The following RBFOX1 variants were observed in gnomAD, a reference collection of about 807,000 sequenced individuals.
RBFOX1 encodes the protein RNA binding fox-1 homolog 1, also known as RNA binding protein fox-1 homolog 1.
RBFOX1 carries 8 observed loss-of-function variants against 57.7 expected under a neutral mutation model. The ratio of observed to expected loss-of-function variants is 0.14; its 90% CI spans 0.08 to 0.25. The LOEUF (loss-of-function observed/expected upper bound fraction) is 0.25, where lower values mean the gene tolerates loss of function less well. RBFOX1 is among the 10% of genes least tolerant of loss of function. The pLI is 1.00. For missense variants in RBFOX1, 611 were observed against 548.5 expected (o/e 1.11, Z -1.14); for synonymous variants, 326 against 222.4 (o/e 1.47, Z -4.15).
chr16:5,705,847 A>G (rs2051226482), intron 3 of RBFOX1, among the ~76,000 whole-genome samples: 1 of 152,216 alleles, frequency 6.6e-6, no homozygotes, highest in Admixed American at 6.5e-5. Flanking sequence ...AGAACAGTTC[A>G]GTGGAAACAA....
intron 3 of RBFOX1, among the ~76,000 whole-genome samples, chr16:6,925,839 A>T (rs2075475697): frequency 6.6e-6 from 1 of 152,088 alleles, no homozygotes; most frequent in South Asian, 2.1e-4. Context: ...AGTTCCTTGC[A>T]AGGTTATGTG....
At chr16:6,445,930 A>C (rs1034716239) in intron 2 of RBFOX1, among the ~76,000 whole-genome samples, 1 of 151,498 alleles carries the variant, frequency 6.6e-6, no homozygotes, top group Non-Finnish European at 1.5e-5. Context: ...CATCCCTGTT[A>C]ACTATACACA....
At chr16:7,586,943 G>A (rs1567968495) in intron 6 of RBFOX1, among the ~76,000 whole-genome samples, 1 of 152,188 alleles carries the variant, frequency 6.6e-6, no homozygotes. Flanking sequence ...GTACATACTA[G>A]CCACTTTTAA....
At chr16:7,171,381 T>G (rs1337529374) in intron 4 of RBFOX1, among the ~76,000 whole-genome samples, 1 of 152,220 alleles carries the variant, frequency 6.6e-6, no homozygotes, top group Non-Finnish European at 1.5e-5. Context: ...AGTATTTTCT[T>G]GATGAATTCC....
rs145098200 is a variant in RBFOX1, at chr16:7,707,546, C to G, written c.996-1510C>G. Among the ~76,000 whole-genome samples, 68 of 152,232 alleles carry G rather than the reference C, an allele frequency of 4.5e-4. 1 individual carries two copies. Among genetic ancestry groups the G allele is most frequent in the African/African-American group, 1.4e-3 (58 of 41,540 alleles). Reference sequence around the variant, plus strand: ...TGGTCAAAGAATCAAAAAACGATGTCGATCCCAGTGAGTGTCTGATGCATT... The same window carrying G: ...TGGTCAAAGAATCAAAAAACGATGTGGATCCCAGTGAGTGTCTGATGCATT... On this transcript the variant is annotated intron_variant, in intron 14 of 15. Coordinates refer to ENST00000550418, the MANE Select transcript of RBFOX1 (RefSeq NM_018723.4).
At chr16:6,031,299 A>C (rs1487515740) in intron 1 of RBFOX1, among the ~76,000 whole-genome samples, 1 of 152,086 alleles carries the variant, frequency 6.6e-6, no homozygotes, top group African/African-American at 2.4e-5. Flanking sequence ...TGAGAACAGC[A>C]AGGTGGCCAG....
At chr16:6,967,547 C>T (rs1327188398) in intron 3 of RBFOX1, among the ~76,000 whole-genome samples, 7 of 152,168 alleles carry the variant, frequency 4.6e-5, no homozygotes, top group East Asian at 1.9e-4. Context: ...GACTGACTTG[C>T]TTATGTGTTT....
At chr16:6,467,695 G>A (rs1002042430) in intron 2 of RBFOX1, among the ~76,000 whole-genome samples, 1 of 152,218 alleles carries the variant, frequency 6.6e-6, no homozygotes, top group African/African-American at 2.4e-5. Flanking sequence ...CAGTCATCCT[G>A]TGTGATATGC....
At chr16:7,065,889 G>T (rs939096381) in intron 4 of RBFOX1, among the ~76,000 whole-genome samples, 2 of 152,124 alleles carry the variant, frequency 1.3e-5, no homozygotes, top group African/African-American at 4.8e-5. Context: ...ATGGAAGTGA[G>T]TTCATGGGGT....
At chr16:7,126,655 C>G (rs907094264) in intron 4 of RBFOX1, 1 of 153,248 alleles carries the variant, frequency 6.5e-6, no homozygotes, top group African/African-American at 2.4e-5. Context: ...AGGCAAGGAC[C>G]GGAGATCCTA....
intron 4 of RBFOX1, among the ~76,000 whole-genome samples, chr16:7,471,221 T>G (rs2061499956): frequency 6.6e-6 from 1 of 152,226 alleles, no homozygotes; most frequent in Non-Finnish European, 1.5e-5. Context: ...GTTCATTGCA[T>G]AAAGTTAACA....
At chr16:6,306,274 G>A (rs566372207) in intron 1 of RBFOX1, among the ~76,000 whole-genome samples, 1 of 152,144 alleles carries the variant, frequency 6.6e-6, no homozygotes, top group Non-Finnish European at 1.5e-5. Context: ...TGCTAGGGAG[G>A]CAGTATTTGA....
rs1336439619 is a variant in RBFOX1, at chr16:7,435,026, A to G, written c.28-83121A>G. Among the ~76,000 whole-genome samples, 6 of 152,094 alleles carry G rather than the reference A, an allele frequency of 3.9e-5. 1 individual carries two copies. Among genetic ancestry groups the G allele is most frequent in the Admixed American group, 1.3e-4 (2 of 15,270 alleles). ...AAGTGCTGTCTTGTTCACATTTTGCATTTATCATATTTTACATATGGTACG... is the reference window on the plus strand; with the variant it reads ...AAGTGCTGTCTTGTTCACATTTTGCGTTTATCATATTTTACATATGGTACG... On this transcript the variant is annotated intron_variant, in intron 4 of 15. Coordinates refer to ENST00000550418, the MANE Select transcript of RBFOX1 (RefSeq NM_018723.4).
intron 3 of RBFOX1, among the ~76,000 whole-genome samples, chr16:6,732,417 C>T (rs1029206420): frequency 2.0e-5 from 3 of 152,362 alleles, no homozygotes; most frequent in African/African-American, 7.2e-5. Flanking sequence ...CTGGCCCAAG[C>T]ACCTGCACTG....
chr16:6,018,035 G>C (rs931375969), upstream of RBFOX1, among the ~76,000 whole-genome samples: 2 of 152,310 alleles, frequency 1.3e-5, no homozygotes, highest in African/African-American at 4.8e-5. Flanking sequence ...AAATGAGGTA[G>C]ACTGCCTGGG....
chr16:5,635,944 C>G (rs1397670858), intron 3 of RBFOX1, among the ~76,000 whole-genome samples: 1 of 152,176 alleles, frequency 6.6e-6, no homozygotes, highest in Admixed American at 6.5e-5. Flanking sequence ...TGCAGTGGCC[C>G]ATGCCTGTAA....
chr16:6,807,151 T>C lies in RBFOX1; in HGVS notation c.-16+152501T>C, dbSNP rs77604200. 7.2e-3 allele frequency among the ~76,000 whole-genome samples: 1,094 copies of C among 151,920 alleles called. 14 individuals are homozygous for C. Among genetic ancestry groups the C allele is most frequent in the African/African-American group, 0.025 (1,041 of 41,462 alleles). Reference sequence around the variant, plus strand: ...GCCCAGCCTCTTTTTTTCCTTTTAATAAAACACTGGTTACAATGTGAGAAA... The same window carrying C: ...GCCCAGCCTCTTTTTTTCCTTTTAACAAAACACTGGTTACAATGTGAGAAA... On this transcript the variant is annotated intron_variant, in intron 3 of 15. Coordinates refer to ENST00000550418, the MANE Select transcript of RBFOX1 (RefSeq NM_018723.4).
At chr16:5,534,358 G>C in intron 2 of RBFOX1, among the ~76,000 whole-genome samples, 1 of 152,188 alleles carries the variant, frequency 6.6e-6, no homozygotes, top group Non-Finnish European at 1.5e-5. Context: ...TCCCCCAATA[G>C]CTGTCTTCAA....
chr16:5,353,596 C>A (rs948172147), intron 1 of RBFOX1, among the ~76,000 whole-genome samples: 1 of 151,978 alleles, frequency 6.6e-6, no homozygotes, highest in African/African-American at 2.4e-5. Flanking sequence ...CATAAGTCCT[C>A]CTTGGTGCAT....
Sources: gnomAD v4.1 joint callset for allele counts (sites outside exome capture counted in the v4.1 genomes callset) on GRCh38, gnomAD v4.1.1 for gene constraint, MANE v1.5 for transcripts, NCBI Gene and HGNC (gene_info 2026-07-23, HGNC 2026-07-21) for gene names.